RETSAT: variants seen among roughly 807,000 people sequenced by gnomAD.
RETSAT encodes the protein all-trans-retinol 13,14-reductase.
RETSAT carries 35 observed loss-of-function variants against 61.6 expected under a neutral mutation model. That is an observed-to-expected ratio of 0.57 (90% CI 0.43 to 0.75). The LOEUF (loss-of-function observed/expected upper bound fraction) is 0.75. Ranked by LOEUF, RETSAT falls within the 30% of genes least tolerant of loss-of-function variation. The pLI, the probability that RETSAT is intolerant of heterozygous loss-of-function variation, is 0.00. For missense variants in RETSAT, 670 were observed against 759.5 expected, an observed-to-expected ratio of 0.88 and a Z score of 1.38; for synonymous variants, 277 against 310.4, an observed-to-expected ratio of 0.89 and a Z score of 1.13.
chr2:85,351,246 C>T (rs75030260), intron 2 of RETSAT, among the ~76,000 whole-genome samples: 137 of 152,246 alleles, frequency 9.0e-4, no homozygotes, highest in Middle Eastern at 3.4e-3. Flanking sequence ...TGCCCAGAGG[C>T]TGGGCACGGT....
Position 85,349,381 on chromosome 2 carries a change from C to A in RETSAT, c.997+3G>T. ...GAAGGGCAGGGCGGGGCAGGGCTCT[C>A]ACCACAGGCTTTCCCAGCTGAGTCC... is the stretch of plus-strand genomic sequence containing the variant. On this transcript the variant is annotated splice_donor_region_variant and intron_variant, in intron 5 of 10. Transcript: ENST00000295802. The A allele has an allele frequency of 6.2e-7, 1 of 1,613,986 alleles. No individual in the cohort carries two copies. Among genetic ancestry groups the A allele is most frequent in the South Asian group, 1.1e-5 (1 of 91,074 alleles).
At chr2:85,345,801 C>A (rs189570119) in intron 6 of RETSAT, 174 bp downstream of exon 6, 2 of 829,788 alleles carry the variant, frequency 2.4e-6, no homozygotes, top group East Asian at 2.6e-5. Flanking sequence ...GTTTCCCCAA[C>A]ATTAAATGCT....
chr2:85,344,101 C>T lies in RETSAT; in HGVS notation c.1431G>A (p.Glu477=), dbSNP rs369176640. Residue 477 remains glutamate (E), a synonymous_variant, in exon 9 of 11, where the codon GAG becomes GAA. Coordinates refer to ENST00000295802, the MANE Select transcript of RETSAT (RefSeq NM_017750.4). ...AGTCACTGCCCCGCTTTCCCTTCAG[C>T]TCCGCCTGCCACTCCTCAAACCACT... ...AYEWFEEWQA[E]LKGKRGSDYE... The T allele has an allele frequency of 4.0e-5, 65 of 1,613,804 alleles. No homozygotes were observed. Among genetic ancestry groups the T allele is most frequent in the South Asian group, 8.8e-5 (8 of 91,070 alleles).
chr2:85,346,008 G>A lies in RETSAT; in HGVS notation c.1084C>T (p.His362Tyr). Residue 362 changes from histidine to tyrosine, a missense_variant, in exon 6 of 11, where the codon CAC (histidine) becomes TAC (tyrosine). His to Tyr is a moderately conservative substitution (Grantham distance 83, BLOSUM62 2). Transcript: ENST00000295802. ...SNAGLFNTYEHLLPGNARCLP... is the reference protein window; with the variant it reads ...SNAGLFNTYEYLLPGNARCLP... ...CAGCGGGCGTTCCCCGGCAGTAGGTGTTCATAGGTGTTGAACAGTCCTGCG... is the reference window on the plus strand; with the variant it reads ...CAGCGGGCGTTCCCCGGCAGTAGGTATTCATAGGTGTTGAACAGTCCTGCG... 2 of 1,614,202 alleles carry A rather than the reference G, an allele frequency of 1.2e-6. No individual in the cohort carries two copies. The highest frequency in any genetic ancestry group is 1.7e-6 in the Non-Finnish European group (2 of 1,180,038).
Position 85,351,028 on chromosome 2 carries a change from G to A in RETSAT, c.356-7C>T, listed in dbSNP as rs1007753237. The A allele has an allele frequency of 1.2e-6, 2 of 1,613,854 alleles. No homozygotes were observed. Among genetic ancestry groups the A allele is most frequent in the Non-Finnish European group, 1.7e-6 (2 of 1,179,928 alleles). On this transcript the variant is annotated splice_polypyrimidine_tract_variant and splice_region_variant and intron_variant, in intron 2 of 10. Transcript: ENST00000295802. The stretch of plus-strand genomic sequence containing the variant: ...CGCCCAATGTAATGGATTCCTGTTG[G>A]GAGATGGAAAAACAAGGTAGTAAAG...
intron 8 of RETSAT, 28 bp downstream of exon 8, chr2:85,344,211 C>T (rs759235387): frequency 1.9e-6 from 3 of 1,614,146 alleles, no homozygotes; most frequent in Non-Finnish European, 2.5e-6. Context: ...TCTCCCTCCA[C>T]CCCCTCACCC....
In RETSAT at chr2:85,344,133, C is replaced by A; in HGVS notation, c.1399G>T (p.Ala467Ser). Residue 467 changes from alanine (A) to serine (S), a missense_variant, in exon 9 of 11, where the codon GCC becomes TCC. Coordinates refer to ENST00000295802, the MANE Select transcript of RETSAT (RefSeq NM_017750.4). The stretch of plus-strand genomic sequence containing the variant: ...TGCCACTCCTCAAACCACTCGTAGG[C>A]AGTGGGTATGAGCATGATCATGGTG... ...RSTMIMLIPT[A>S]YEWFEEWQAE... 2.5e-6 allele frequency: 4 copies of A among 1,614,056 alleles called. No individual in the cohort carries two copies. The highest frequency in any genetic ancestry group is 3.4e-6 in the Non-Finnish European group (4 of 1,179,990).
intron 1 of RETSAT, 78 bp downstream of exon 1, chr2:85,354,258 C>T (rs1683383793): frequency 6.6e-7 from 1 of 1,522,928 alleles, no homozygotes; most frequent in Non-Finnish European, 9.0e-7. Flanking sequence ...CTGGTAGCGG[C>T]TGCCTTGGCA....
At chr2:85,349,167 G>A (rs1391574842) in intron 5 of RETSAT, among the ~76,000 whole-genome samples, 1 of 152,054 alleles carries the variant, frequency 6.6e-6, no homozygotes, top group Non-Finnish European at 1.5e-5. Context: ...TGGGGTTACA[G>A]GCTTGGACCA....
chr2:85,349,684 G>A lies in RETSAT; in HGVS notation c.800-103C>T, dbSNP rs1374178588. On this transcript the variant is annotated intron_variant, in intron 4 of 10. Transcript: ENST00000295802. ...AGATAACACACAGCCCAGTCTATCC[G>A]AGGAACCACATGTTCCTCAGGGTCC... 2.0e-5 allele frequency: 20 copies of A among 1,008,536 alleles called. 1 individual carries two copies. Among genetic ancestry groups the A allele is most frequent in the African/African-American group, 6.4e-5 (4 of 62,540 alleles). The allele number at this position is 1,008,536 out of a possible 1,614,324, so 62.5% of individuals were successfully genotyped here.
intron 4 of RETSAT, 83 bp from the exon 5 acceptor site, chr2:85,349,664 A>T: frequency 8.5e-7 from 1 of 1,182,798 alleles, no homozygotes; most frequent in Non-Finnish European, 1.2e-6. Flanking sequence ...CTGTGAGATA[A>T]CACACAGCCC....
Position 85,344,168 on chromosome 2 carries a change from G to C in RETSAT, c.1367-3C>G. Reference sequence around the variant, plus strand: ...GAGCATGATCATGGTGGACCGGCCTGGGGATCAGAGCTGATATTACTACTG... The same window carrying C: ...GAGCATGATCATGGTGGACCGGCCTCGGGATCAGAGCTGATATTACTACTG... On this transcript the variant is annotated splice_polypyrimidine_tract_variant and splice_region_variant and intron_variant, in intron 8 of 10. Coordinates refer to ENST00000295802, the MANE Select transcript of RETSAT (RefSeq NM_017750.4). 1 of 1,614,120 alleles carries C rather than the reference G, an allele frequency of 6.2e-7. No individual in the cohort carries two copies. Among genetic ancestry groups the C allele is most frequent in the Non-Finnish European group, 8.5e-7 (1 of 1,180,004 alleles).
intron 2 of RETSAT, 109 bp downstream of exon 2, chr2:85,351,571 A>G: frequency 2.7e-6 from 3 of 1,095,646 alleles, no homozygotes; most frequent in Non-Finnish European, 4.0e-6. Flanking sequence ...CCCAGAGAGA[A>G]GATGGCACTT....
rs376732541 is a variant in RETSAT, at chr2:85,343,335, G to C, written c.1740C>G (p.Ala580=). The C allele has an allele frequency of 6.2e-7, 1 of 1,614,088 alleles. No individual in the cohort carries two copies. Among genetic ancestry groups the C allele is most frequent in the African/African-American group, 1.3e-5 (1 of 74,962 alleles). The stretch of plus-strand genomic sequence containing the variant: ...TCAGGATGGCGCTGCTGCACAGCAG[G>C]GCACCTTGCAGGGCCCCGACCAGTC... ...TCGLVGALQG[A]LLCSSAILKR... is the part of the protein sequence containing the mutation. Residue 580 remains alanine (A), a synonymous_variant, in exon 11 of 11, where the codon GCC becomes GCG. Transcript: ENST00000295802.
At position 85,354,329 on chromosome 2, in the gene RETSAT, C is replaced by T. The variant is rs753085207; in HGVS notation, c.172+7G>A. On this transcript the variant is annotated splice_region_variant and intron_variant, in intron 1 of 10. Coordinates refer to ENST00000295802, the MANE Select transcript of RETSAT (RefSeq NM_017750.4). ...GCAGCCCCGGACCCCAGGGTCCCTC[C>T]TGCTACCTTGTTTGAGAACCTTCTT... 3.6e-5 allele frequency: 58 copies of T among 1,614,060 alleles called. No individual in the cohort carries two copies. The highest frequency in any genetic ancestry group is 4.6e-5 in the Non-Finnish European group (54 of 1,180,038).
chr2:85,344,582 C>A lies in RETSAT; in HGVS notation c.1256+12G>T. ...CACGGGCCACACACATACACACACA[C>A]GTGCACCTTACGCCTGGTCCATGTC... On this transcript the variant is annotated intron_variant, in intron 7 of 10. Transcript: ENST00000295802. 5.0e-6 allele frequency: 8 copies of A among 1,613,774 alleles called. No individual in the cohort carries two copies. The highest frequency in any genetic ancestry group is 6.8e-6 in the Non-Finnish European group (8 of 1,179,784).
chr2:85,350,980 G>C lies in RETSAT; in HGVS notation c.397C>G (p.Arg133Gly). 1 of 1,614,146 alleles carries C rather than the reference G, an allele frequency of 6.2e-7. No individual in the cohort carries two copies. The highest frequency in any genetic ancestry group is 8.5e-7 in the Non-Finnish European group (1 of 1,180,032). The stretch of plus-strand genomic sequence containing the variant: ...TCAGTGATCTGGTCCAAGATAAAAC[G>C]GCCAATGCTGCCCTCTTCCATACGC... The part of the protein sequence containing the change: ...IGRMEEGSIG[R>G]FILDQITEGQ... The change falls in exon 3 of 11, where the codon CGT becomes GGT. Residue 133 changes from arginine (R) to glycine (G), a missense_variant. Transcript: ENST00000295802.
chr2:85,349,693 CAT>C (rs1683266825), intron 4 of RETSAT, 112 bp from the exon 5 acceptor site: 2 of 941,184 alleles, frequency 2.1e-6, no homozygotes, highest in Admixed American at 2.1e-5. Context: ...CGAGGAACCA[CAT>C]GTTCCTCAGG....
rs772667649 is a variant in RETSAT at position 85,349,371 on chromosome 2, G to A, written c.997+13C>T. 5 of 1,613,736 alleles carry A rather than the reference G, an allele frequency of 3.1e-6. No individual in the cohort carries two copies. The highest frequency in any genetic ancestry group is 2.2e-5 in the South Asian group (2 of 91,080). On this transcript the variant is annotated intron_variant, in intron 5 of 10. Coordinates refer to ENST00000295802, the MANE Select transcript of RETSAT (RefSeq NM_017750.4). ...CAGGGACCCAGAAGGGCAGGGCGGG[G>A]CAGGGCTCTCACCACAGGCTTTCCC...
Sources: gnomAD v4.1 joint callset for allele counts (sites outside exome capture counted in the v4.1 genomes callset) on GRCh38, gnomAD v4.1.1 for gene constraint, MANE v1.5 for transcripts, NCBI Gene and HGNC (gene_info 2026-07-23, HGNC 2026-07-21) for gene names.